SEMA5A: variants seen among roughly 807,000 people sequenced by gnomAD.
The protein encoded by SEMA5A is semaphorin-5A.
Under a neutral mutation model 135.5 loss-of-function variants are expected in SEMA5A, and 55 were observed. The ratio of observed to expected loss-of-function variants is 0.41; its 90% CI spans 0.33 to 0.51. SEMA5A has a LOEUF of 0.51. Among genes scored for constraint, SEMA5A ranks in the 20% least tolerant of loss-of-function variants. SEMA5A has a pLI of 0.37. For synonymous variants in SEMA5A, 580 were observed against 546.5 expected (o/e 1.06, Z -0.85); for missense variants, 1,290 against 1,419.9 (o/e 0.91, Z 1.47).
chr5:9,162,959 G>C (rs2150287119), intron 11 of SEMA5A, among the ~76,000 whole-genome samples: 1 of 152,240 alleles, frequency 6.6e-6, no homozygotes, highest in Non-Finnish European at 1.5e-5. Context: ...TATAAAAAGA[G>C]ACATATGCAA....
intron 13 of SEMA5A, among the ~76,000 whole-genome samples, chr5:9,128,815 A>G (rs1196465601): frequency 6.6e-6 from 1 of 152,144 alleles, no homozygotes; most frequent in Non-Finnish European, 1.5e-5. Context: ...GTTTCTCCAC[A>G]TCGGCACTAT....
intron 8 of SEMA5A, among the ~76,000 whole-genome samples, chr5:9,213,582 C>G (rs2387815): frequency 0.029 from 4,471 of 152,216 alleles, 235 homozygotes; most frequent in African/African-American, 0.1. Context: ...GGCAGAACAG[C>G]GCCCAGCAAA....
At chr5:9,252,183 G>A (rs530034692) in intron 5 of SEMA5A, among the ~76,000 whole-genome samples, 65 of 152,252 alleles carry the variant, frequency 4.3e-4, no homozygotes, top group Non-Finnish European at 3.2e-4. Context: ...GGCCCTTGGT[G>A]GGAAAGCGGG....
chr5:9,294,525 T>A (rs1378859297), intron 5 of SEMA5A, among the ~76,000 whole-genome samples: 4 of 152,242 alleles, frequency 2.6e-5, no homozygotes, highest in Non-Finnish European at 4.4e-5. Flanking sequence ...CCTATTGTGC[T>A]GAACTCTACA....
chr5:9,168,091 C>G (rs552841971), intron 11 of SEMA5A, among the ~76,000 whole-genome samples: 1 of 152,134 alleles, frequency 6.6e-6, no homozygotes, highest in African/African-American at 2.4e-5. Context: ...GAAAGTTGCC[C>G]AAGAGGTGAG....
chr5:9,247,529 C>G (rs1748541646), intron 5 of SEMA5A, among the ~76,000 whole-genome samples: 1 of 152,046 alleles, frequency 6.6e-6, no homozygotes, highest in African/African-American at 2.4e-5. Context: ...CTTACAAAAC[C>G]CAGATTATGA....
intron 16 of SEMA5A, among the ~76,000 whole-genome samples, chr5:9,107,143 T>G (rs1275489825): frequency 6.6e-6 from 1 of 152,254 alleles, no homozygotes; most frequent in East Asian, 1.9e-4. Context: ...AGGAAGCAAT[T>G]TAGCCAGACC....
intron 5 of SEMA5A, among the ~76,000 whole-genome samples, chr5:9,296,216 G>T (rs1473958544): frequency 6.6e-6 from 1 of 152,040 alleles, no homozygotes. Context: ...TTCAATAAAG[G>T]CTATTAGTGT....
At chr5:9,206,440 T>C (rs544670203) in intron 8 of SEMA5A, among the ~76,000 whole-genome samples, 68 of 151,770 alleles carry the variant, frequency 4.5e-4, no homozygotes, top group African/African-American at 1.5e-3. Context: ...TCACCATATA[T>C]GTAATTACAA....
At chr5:9,211,834 A>C (rs866281174) in intron 8 of SEMA5A, among the ~76,000 whole-genome samples, 29 of 152,368 alleles carry the variant, frequency 1.9e-4, no homozygotes, top group Middle Eastern at 3.4e-3. Flanking sequence ...TGTTACCAGA[A>C]GAGTTTTCTC....
At chr5:9,214,443 T>C (rs1312972679) in intron 8 of SEMA5A, among the ~76,000 whole-genome samples, 1 of 152,218 alleles carries the variant, frequency 6.6e-6, no homozygotes, top group Admixed American at 6.5e-5. Context: ...CCAATAATGC[T>C]GTTGGTGTCA....
intron 8 of SEMA5A, among the ~76,000 whole-genome samples, chr5:9,211,323 C>T (rs1027231549): frequency 6.6e-6 from 1 of 152,092 alleles, no homozygotes; most frequent in African/African-American, 2.4e-5. Context: ...TCTGGCTTTA[C>T]AGAGCTTCTT....
At chr5:9,341,105 T>C (rs1753628710) in intron 3 of SEMA5A, among the ~76,000 whole-genome samples, 1 of 152,052 alleles carries the variant, frequency 6.6e-6, no homozygotes, top group South Asian at 2.1e-4. Context: ...CTTGTTATTA[T>C]AGCTTCAAAA....
chr5:9,063,932 C>A (rs1308016331), intron 17 of SEMA5A, among the ~76,000 whole-genome samples: 1 of 152,126 alleles, frequency 6.6e-6, no homozygotes, highest in African/African-American at 2.4e-5. Flanking sequence ...TCTTCCCACT[C>A]ACAATACTAA....
At chr5:9,536,123 C>T (rs1039187040) in intron 1 of SEMA5A, among the ~76,000 whole-genome samples, 11 of 152,226 alleles carry the variant, frequency 7.2e-5, no homozygotes, top group South Asian at 2.1e-4. Context: ...CTTGGTGCAC[C>T]CACTTTTACA....
intron 16 of SEMA5A, among the ~76,000 whole-genome samples, chr5:9,088,637 A>AAT (rs71611400): frequency 0.031 from 3,301 of 108,030 alleles, 261 homozygotes; most frequent in African/African-American, 0.082. Context: ...CTACATTTAT[A>AAT]ATATATATAT....
intron 13 of SEMA5A, among the ~76,000 whole-genome samples, chr5:9,132,794 A>T (rs1024354440): frequency 3.9e-5 from 6 of 152,218 alleles, no homozygotes; most frequent in African/African-American, 1.4e-4. Context: ...ATTGCACTCA[A>T]TGTAACAGGA....
chr5:9,248,138 T>C (rs2150480841), intron 5 of SEMA5A, among the ~76,000 whole-genome samples: 1 of 152,326 alleles, frequency 6.6e-6, no homozygotes, highest in African/African-American at 2.4e-5. Context: ...TTAAGATGTT[T>C]GATAAGAGCT....
chr5:9,508,640 C>T (rs529872456), intron 1 of SEMA5A, among the ~76,000 whole-genome samples: 86 of 152,150 alleles, frequency 5.7e-4, no homozygotes, highest in Non-Finnish European at 1.1e-3. Context: ...CTCCCTTCTG[C>T]GGGTGTCCAG....
Sources: gnomAD v4.1 joint callset for allele counts (sites outside exome capture counted in the v4.1 genomes callset) on GRCh38, gnomAD v4.1.1 for gene constraint, MANE v1.5 for transcripts, NCBI Gene and HGNC (gene_info 2026-07-23, HGNC 2026-07-21) for gene names.